The following ZNF148 variants were observed in gnomAD, a reference collection of about 807,000 sequenced individuals.
ZNF148 encodes zinc finger protein 148.
Under a neutral mutation model 67.7 loss-of-function variants are expected in ZNF148, and 7 were observed. That is an observed-to-expected ratio of 0.10 (90% CI 0.06 to 0.19). ZNF148 has a LOEUF of 0.19. ZNF148 is among the 10% of genes least tolerant of loss of function. The pLI, the probability that ZNF148 is intolerant of heterozygous loss-of-function variation, is 1.00. For missense variants in ZNF148, 583 were observed against 947.1 expected, an observed-to-expected ratio of 0.62 and a Z score of 5.05; for synonymous variants, 333 against 330.7, an observed-to-expected ratio of 1.01 and a Z score of -0.08.
At position 125,234,345 on chromosome 3, in the gene ZNF148, G is replaced by T. The variant is rs750726247; in HGVS notation, c.668-16C>A. ...GGTTTTTCACCTAGCACATAATATA[G>T]AAAGTTTAAAACAAAACAAATATTG... is the stretch of plus-strand genomic sequence containing the variant. On this transcript the variant is annotated splice_polypyrimidine_tract_variant and intron_variant, in intron 7 of 8. Coordinates refer to ENST00000360647, the MANE Select transcript of ZNF148 (RefSeq NM_021964.3). 2.6e-6 allele frequency: 4 copies of T among 1,529,220 alleles called. No homozygotes were observed. Among genetic ancestry groups the T allele is most frequent in the Non-Finnish European group, 3.6e-6 (4 of 1,113,314 alleles). 94.7% of individuals were successfully genotyped at this position (1,529,220 alleles called of 1,614,324 possible).
chr3:125,232,303 T>C lies in ZNF148; in HGVS notation c.*38A>G. 6.4e-7 allele frequency: 1 copy of C among 1,561,682 alleles called. No homozygotes were observed. Among genetic ancestry groups the C allele is most frequent in the South Asian group, 1.2e-5 (1 of 83,032 alleles). The stretch of plus-strand genomic sequence containing the variant: ...GTAACCCCACTCTTGATTAATCTGT[T>C]CTAAAGTGCCAGTATTATTTACACT... On this transcript the variant is annotated 3_prime_UTR_variant, in exon 9 of 9. Coordinates refer to ENST00000360647, the MANE Select transcript of ZNF148 (RefSeq NM_021964.3). This position sits in a 1 kb window ranked among gnomAD's most constrained non-coding sequence, Gnocchi z 4.2.
chr3:125,324,925 A>G (rs1940954186), intron 2 of ZNF148, among the ~76,000 whole-genome samples: 1 of 152,134 alleles, frequency 6.6e-6, no homozygotes, highest in Admixed American at 6.5e-5. Flanking sequence ...TTTGCCAGAT[A>G]CACTTTTGTG....
chr3:125,249,606 T>C lies in ZNF148; in HGVS notation c.668-15277A>G, dbSNP rs997619671. Among the ~76,000 whole-genome samples, 3 of 152,032 alleles carry C rather than the reference T, an allele frequency of 2.0e-5. No individual in the cohort carries two copies. The East Asian group carries it at 5.8e-4, about 29-fold the overall frequency. On this transcript the variant is annotated intron_variant, in intron 7 of 8. Coordinates refer to ENST00000360647, the MANE Select transcript of ZNF148 (RefSeq NM_021964.3). Reference sequence around the variant, plus strand: ...GACAGAGCCATTATGGAAAACAGTATGGAGGTTCCTAAAAAAACAAAAAAA... The same window carrying C: ...GACAGAGCCATTATGGAAAACAGTACGGAGGTTCCTAAAAAAACAAAAAAA...
At chr3:125,251,282 C>T (rs1022081441) in intron 7 of ZNF148, among the ~76,000 whole-genome samples, 7 of 152,150 alleles carry the variant, frequency 4.6e-5, no homozygotes, top group Non-Finnish European at 1.0e-4. Context: ...AATTAGTTTT[C>T]TCTTTTAACT....
At chr3:125,277,844 G>A (rs1188451356) in intron 6 of ZNF148, 35 bp from the exon 7 acceptor site, 2 of 1,558,106 alleles carry the variant, frequency 1.3e-6, no homozygotes, top group Admixed American at 1.8e-5. Flanking sequence ...ATTAGTTACT[G>A]AATAAAACAA....
intron 1 of ZNF148, among the ~76,000 whole-genome samples, chr3:125,339,416 T>G (rs960326677): frequency 1.3e-5 from 2 of 152,224 alleles, no homozygotes; most frequent in African/African-American, 4.8e-5. Context: ...AAGTACAATC[T>G]ATTAAACACA....
chr3:125,305,791 CAAAAAAAAAAAAAAG>C lies in ZNF148; in HGVS notation c.333+7502_333+7516del, dbSNP rs1939844823. ...TCACACCACTGCACACCAGCACGGGCAAAAAAAAAAAAAAGAAAAAAAGAAAAAGTGAATACAACT... is the reference window on the plus strand; with the variant it reads ...TCACACCACTGCACACCAGCACGGGCAAAAAAAGAAAAAGTGAATACAACT... On this transcript the variant is annotated intron_variant, in intron 4 of 8. Coordinates refer to ENST00000360647, the MANE Select transcript of ZNF148 (RefSeq NM_021964.3). 4.9e-5 allele frequency among the ~76,000 whole-genome samples: 4 copies of C among 82,006 alleles called. No individual in the cohort carries two copies. The South Asian group carries it at 1.4e-3, about 30-fold the overall frequency. 53.8% of individuals were successfully genotyped at this position (82,006 alleles called of 152,430 possible). A position where few individuals can be genotyped will look rare whatever the true frequency, so the allele number is the denominator to read the frequency against.
Position 125,323,735 on chromosome 3 carries a change from C to T in ZNF148, c.-152-291G>A, listed in dbSNP as rs558677799. Among the ~76,000 whole-genome samples the T allele has an allele frequency of 9.2e-5, 14 of 152,032 alleles. No individual in the cohort carries two copies. In the South Asian group the frequency reaches 2.5e-3, roughly 27 times the overall value. Reference sequence around the variant, plus strand: ...CAGCACTTTGGGAGGCCGAGGCAGGCGGATCACGAGGTCAGGAGATTGAGA... The same window carrying T: ...CAGCACTTTGGGAGGCCGAGGCAGGTGGATCACGAGGTCAGGAGATTGAGA... On this transcript the variant is annotated intron_variant, in intron 2 of 8. Coordinates refer to ENST00000360647, the MANE Select transcript of ZNF148 (RefSeq NM_021964.3).
intron 2 of ZNF148, among the ~76,000 whole-genome samples, chr3:125,325,145 A>T (rs1168783780): frequency 6.6e-6 from 1 of 152,184 alleles, no homozygotes; most frequent in Admixed American, 6.5e-5. Context: ...TCAACAAATA[A>T]GAGATCTTCA....
intron 7 of ZNF148, among the ~76,000 whole-genome samples, chr3:125,236,418 G>A (rs1936094028): frequency 6.6e-6 from 1 of 152,000 alleles, no homozygotes; most frequent in African/African-American, 2.4e-5. Context: ...CCATTACAGT[G>A]GATTATTAAG....
At position 125,283,652 on chromosome 3, in the gene ZNF148, G is replaced by A. The variant is rs150105340; in HGVS notation, c.460-4405C>T. Among the ~76,000 whole-genome samples, 64 of 151,962 alleles carry A rather than the reference G, an allele frequency of 4.2e-4. 1 individual carries two copies. The East Asian group carries it at 9.5e-3, about 22-fold the overall frequency. Reference sequence around the variant, plus strand: ...TCCATACTTCCTGTTTGCATCCTCCGTCTTATAATCAGTTCATCTTTAAAG... The same window carrying A: ...TCCATACTTCCTGTTTGCATCCTCCATCTTATAATCAGTTCATCTTTAAAG... On this transcript the variant is annotated intron_variant, in intron 5 of 8. Transcript: ENST00000360647.
At chr3:125,325,578 G>T (rs1940983420) in intron 2 of ZNF148, among the ~76,000 whole-genome samples, 1 of 152,040 alleles carries the variant, frequency 6.6e-6, no homozygotes, top group African/African-American at 2.4e-5. Flanking sequence ...CGATTCTCCT[G>T]CCTCAGCCTC....
intron 2 of ZNF148, among the ~76,000 whole-genome samples, chr3:125,326,918 C>T (rs1941054152): frequency 6.7e-6 from 1 of 149,294 alleles, no homozygotes; most frequent in Non-Finnish European, 1.5e-5. Flanking sequence ...AATGTAAATC[C>T]AACCATATCC....
chr3:125,249,249 C>T lies in ZNF148; in HGVS notation c.668-14920G>A, dbSNP rs867481365. Reference sequence around the variant, plus strand: ...AGATAACCTATGGAATGGGAAAAAACATTTGCAAGCCATATATTCATCAAG... The same window carrying T: ...AGATAACCTATGGAATGGGAAAAAATATTTGCAAGCCATATATTCATCAAG... On this transcript the variant is annotated intron_variant, in intron 7 of 8. Transcript: ENST00000360647. Among the ~76,000 whole-genome samples, 3 of 152,196 alleles carry T rather than the reference C, an allele frequency of 2.0e-5. No individual in the cohort carries two copies. The Middle Eastern group carries it at 0.01, about 518-fold the overall frequency.
intron 7 of ZNF148, among the ~76,000 whole-genome samples, chr3:125,241,998 C>T (rs6438885): frequency 0.77 from 117,233 of 152,114 alleles, 45,730 homozygotes; most frequent in African/African-American, 0.85. Context: ...TATATTTCAT[C>T]TTCTGCGAAC....
rs1224848350 is a variant in ZNF148 at position 125,231,320 on chromosome 3, T to C, written c.*1021A>G. 6.6e-6 allele frequency: 1 copy of C among 152,522 alleles called. No individual in the cohort carries two copies. The highest frequency in any genetic ancestry group is 1.5e-5 in the Non-Finnish European group (1 of 67,960). 9.4% of individuals were successfully genotyped at this position (152,522 alleles called of 1,614,324 possible). ...TTCCTTTTATTGCCAAAAGTTAAAATTGTCAATTACGAGATGATTATGACA... is the reference window on the plus strand; with the variant it reads ...TTCCTTTTATTGCCAAAAGTTAAAACTGTCAATTACGAGATGATTATGACA... On this transcript the variant is annotated 3_prime_UTR_variant, in exon 9 of 9. Coordinates refer to ENST00000360647, the MANE Select transcript of ZNF148 (RefSeq NM_021964.3).
chr3:125,315,658 G>A (rs1027500163), intron 3 of ZNF148, among the ~76,000 whole-genome samples: 10 of 144,734 alleles, frequency 6.9e-5, no homozygotes, highest in Non-Finnish European at 1.2e-4. Context: ...GCAGTGAGCC[G>A]AGATCGAGCC....
At chr3:125,263,960 A>T (rs1489991907) in intron 7 of ZNF148, among the ~76,000 whole-genome samples, 1 of 152,214 alleles carries the variant, frequency 6.6e-6, no homozygotes, top group Non-Finnish European at 1.5e-5. Context: ...TAATCAATCC[A>T]TCATGCCTAC....
rs953146821 is a variant in ZNF148, at chr3:125,226,355, A to G, written c.*5986T>C. The stretch of plus-strand genomic sequence containing the variant: ...AGAATATTGTGAAAAATTCAGCTCG[A>G]AAATTATCCATAAAACTGTATTCTA... On this transcript the variant is annotated 3_prime_UTR_variant, in exon 9 of 9. Coordinates refer to ENST00000360647, the MANE Select transcript of ZNF148 (RefSeq NM_021964.3). 2.7e-4 allele frequency: 41 copies of G among 152,312 alleles called. No homozygotes were observed. The highest frequency in any genetic ancestry group is 8.4e-4 in the African/African-American group (35 of 41,462). 9.4% of individuals were successfully genotyped at this position (152,312 alleles called of 1,614,324 possible). A position where few individuals can be genotyped will look rare whatever the true frequency, so the allele number is the denominator to read the frequency against.
Sources: gnomAD v4.1 joint callset for allele counts (sites outside exome capture counted in the v4.1 genomes callset) on GRCh38, gnomAD v4.1.1 for gene constraint, Gnocchi (gnomAD v3.1) non-coding constraint, MANE v1.5 for transcripts, NCBI Gene and HGNC (gene_info 2026-07-23, HGNC 2026-07-21) for gene names.